Variants in MAST2 observed in about 807,000 individuals in gnomAD.
The protein encoded by MAST2 is microtubule-associated serine/threonine-protein kinase 2.
In MAST2, 70 loss-of-function variants were observed where a neutral mutation model predicts 147.4. The observed-to-expected ratio is 0.47, with a 90% CI of 0.39 to 0.58. The LOEUF is 0.58. Among genes scored for constraint, MAST2 ranks in the 20% least tolerant of loss-of-function variants. MAST2 has a pLI of 0.00. For missense variants in MAST2, 2,080 were observed against 2,302.3 expected (o/e 0.90, Z 1.98); for synonymous variants, 869 against 896.8 (o/e 0.97, Z 0.55).
At chr1:45,959,350 G>A in intron 4 of MAST2, 36 bp from the exon 5 acceptor site, 2 of 1,546,330 alleles carry the variant, frequency 1.3e-6, no homozygotes, top group Non-Finnish European at 1.8e-6. Flanking sequence ...CCCATGGTGT[G>A]GCCCTATTAT....
intron 3 of MAST2, among the ~76,000 whole-genome samples, chr1:45,840,937 A>C (rs1645254336): frequency 1.3e-5 from 2 of 152,098 alleles, no homozygotes; most frequent in South Asian, 4.2e-4. Flanking sequence ...TTGGTACTGG[A>C]TGCTAACTGG....
At position 46,031,725 on chromosome 1, in the gene MAST2, G is replaced by A. The variant is rs1646678378; in HGVS notation, c.3187+140G>A. On this transcript the variant is annotated intron_variant, in intron 24 of 28. Transcript: ENST00000361297. The surrounding 1 kb of genome is among the most constrained non-coding windows in gnomAD (Gnocchi z 4.1). ...CTGTGGTCTCTGAAGGTGTGTATTG[G>A]TGTCTGGGGTTGTGTATACATGTGC... 53 of 844,774 alleles carry A rather than the reference G, an allele frequency of 6.3e-5. No individual in the cohort carries two copies. The South Asian group carries it at 9.1e-4, about 14-fold the overall frequency. The allele number at this position is 844,774 out of a possible 1,614,324, so 52.3% of individuals were successfully genotyped here. A position where few individuals can be genotyped will look rare whatever the true frequency, so the allele number is the denominator to read the frequency against.
In MAST2 at chr1:45,893,891, G is replaced by A. The variant is rs1298190532; in HGVS notation, c.500+11496G>A. ...CATTTCTCTAAAAAGGAGAAAACAC[G>A]TCTTTGTGATTTTGCCAAGGATGTT... On this transcript the variant is annotated intron_variant, in intron 4 of 28. Transcript: ENST00000361297. 3.3e-5 allele frequency among the ~76,000 whole-genome samples: 5 copies of A among 152,040 alleles called. No homozygotes were observed. In the East Asian group the frequency reaches 9.6e-4, roughly 29 times the overall value.
intron 3 of MAST2, among the ~76,000 whole-genome samples, chr1:45,850,150 G>A (rs1046438340): frequency 6.6e-6 from 1 of 152,068 alleles, no homozygotes; most frequent in African/African-American, 2.4e-5. Flanking sequence ...ATTCTGACTG[G>A]CATAAGATGG....
intron 3 of MAST2, among the ~76,000 whole-genome samples, chr1:45,849,326 C>T (rs1289771258): frequency 6.6e-6 from 1 of 152,122 alleles, no homozygotes; most frequent in African/African-American, 2.4e-5. Flanking sequence ...TACCCAACTT[C>T]AAACTGTACT....
In MAST2 at chr1:46,025,582, G is replaced by A. The variant is rs1646373909; in HGVS notation, c.1781-95G>A. 5 of 1,451,002 alleles carry A rather than the reference G, an allele frequency of 3.4e-6. No homozygotes were observed. The Admixed American group carries it at 8.7e-5, about 25-fold the overall frequency. The allele number at this position is 1,451,002 out of a possible 1,614,324, so 89.9% of individuals were successfully genotyped here. A position where few individuals can be genotyped will look rare whatever the true frequency, so the allele number is the denominator to read the frequency against. On this transcript the variant is annotated intron_variant, in intron 15 of 28. Coordinates refer to ENST00000361297, the MANE Select transcript of MAST2 (RefSeq NM_015112.3). ...CAGCACCAGGATATTCCATGAAGCTGTCTCCTCTGGGACCTCAGAAACTGC... is the reference window on the plus strand; with the variant it reads ...CAGCACCAGGATATTCCATGAAGCTATCTCCTCTGGGACCTCAGAAACTGC...
chr1:45,999,097 C>T (rs538694858), intron 6 of MAST2, among the ~76,000 whole-genome samples: 2 of 152,168 alleles, frequency 1.3e-5, no homozygotes, highest in African/African-American at 4.8e-5. Flanking sequence ...ATGGTGTTAA[C>T]TCACTATTCC....
intron 10 of MAST2, among the ~76,000 whole-genome samples, chr1:46,018,965 A>G (rs1646070913): frequency 6.6e-6 from 1 of 152,086 alleles, no homozygotes; most frequent in Non-Finnish European, 1.5e-5. Flanking sequence ...TATAGTTACT[A>G]TTTCACTTAT....
At chr1:45,818,321 A>G (rs1226830426) in intron 1 of MAST2, among the ~76,000 whole-genome samples, 1 of 152,130 alleles carries the variant, frequency 6.6e-6, no homozygotes, top group African/African-American at 2.4e-5. Context: ...CGTGACCTTT[A>G]TTTGATGCAA....
chr1:45,848,382 A>G (rs1645512162), intron 3 of MAST2, among the ~76,000 whole-genome samples: 2 of 152,234 alleles, frequency 1.3e-5, no homozygotes, highest in South Asian at 4.1e-4. Context: ...TGGGAGTCTG[A>G]AATTTTGGTA....
At chr1:46,002,997 A>G (rs950185421) in intron 7 of MAST2, 114 bp downstream of exon 7, 47 of 1,065,382 alleles carry the variant, frequency 4.4e-5, no homozygotes, top group Non-Finnish European at 6.2e-5. Flanking sequence ...AAACTCAGAG[A>G]GGTTGCTGAG....
intron 3 of MAST2, among the ~76,000 whole-genome samples, chr1:45,843,664 C>A (rs1645343700): frequency 6.6e-6 from 1 of 152,136 alleles, no homozygotes; most frequent in Non-Finnish European, 1.5e-5. Flanking sequence ...TAATGTTAGA[C>A]AGTGAAGTAT....
In MAST2 at chr1:46,023,315, A is replaced by G. The variant is rs1209871600; in HGVS notation, c.1568A>G (p.Tyr523Cys). ...ATTAAGCTCATCAGCAATGGCGCCT[A>G]TGGGTAAAGGCAGGGGTCAGGGTGT... ...ETIKLISNGA[Y>C]GAVFLVRHKS... Residue 523 changes from tyrosine to cysteine, a missense_variant, in exon 14 of 29, where the codon TAT becomes TGT. Tyr to Cys is a radical substitution (Grantham distance 194). This residue lies in a region of MAST2 where 569 missense variants were observed against 642.5 expected (regional missense o/e 0.89). Transcript: ENST00000361297. The surrounding 1 kb of genome is among the most constrained non-coding windows in gnomAD (Gnocchi z 4.9). 2.5e-6 allele frequency: 4 copies of G among 1,613,648 alleles called. No homozygotes were observed. The highest frequency in any genetic ancestry group is 1.7e-5 in the Admixed American group (1 of 60,002).
At chr1:45,979,531 G>A (rs986923506) in intron 5 of MAST2, among the ~76,000 whole-genome samples, 4 of 151,474 alleles carry the variant, frequency 2.6e-5, no homozygotes, top group Admixed American at 6.6e-5. Flanking sequence ...AACCGTGAAT[G>A]TAAGTCATTA....
intron 10 of MAST2, among the ~76,000 whole-genome samples, chr1:46,015,854 C>T (rs1392526754): frequency 1.7e-4 from 26 of 152,098 alleles, no homozygotes; most frequent in Non-Finnish European, 1.9e-4. Context: ...ATACCAAAGC[C>T]GGGCAGAGAC....
chr1:45,943,900 A>G (rs1407704543), intron 4 of MAST2, among the ~76,000 whole-genome samples: 1 of 152,208 alleles, frequency 6.6e-6, no homozygotes, highest in Non-Finnish European at 1.5e-5. Context: ...GAAGTACACT[A>G]TCCTTAACAA....
chr1:45,834,680 T>C (rs1050128690), intron 3 of MAST2, among the ~76,000 whole-genome samples: 7 of 152,186 alleles, frequency 4.6e-5, no homozygotes, highest in Non-Finnish European at 8.8e-5. Flanking sequence ...ACCCCTGCAT[T>C]AGAAATCAGA....
chr1:46,029,080 C>G, intron 18 of MAST2, 147 bp downstream of exon 18: 2 of 883,198 alleles, frequency 2.3e-6, no homozygotes, highest in South Asian at 1.8e-5. Flanking sequence ...ATGGGTGTCT[C>G]TGTGTTTCTG....
chr1:46,032,389 G>T lies in MAST2; in HGVS notation c.3399G>T (p.Val1133=), dbSNP rs1260473064. 1.9e-6 allele frequency: 3 copies of T among 1,613,918 alleles called. No individual in the cohort carries two copies. The highest frequency in any genetic ancestry group is 2.5e-6 in the Non-Finnish European group (3 of 1,179,908). ...VYMGDSDVYT[V]HHMVWHVEDG... is the part of the protein sequence containing the mutation. ...TGGGTGACTCCGATGTCTACACCGT[G>T]CACCATATGGTGTGGGTATGTCTGA... Residue 1133 remains valine (V), a synonymous_variant, in exon 25 of 29, where the codon GTG becomes GTT. Transcript: ENST00000361297.
Sources: allele counts gnomAD v4.1 joint callset (sites outside exome capture counted in the v4.1 genomes callset), GRCh38; gene constraint gnomAD v4.1.1; regional missense constraint gnomAD v4.1.1; non-coding constraint Gnocchi (gnomAD v3.1); transcripts MANE v1.5; gene names NCBI Gene and HGNC (gene_info 2026-07-23, HGNC 2026-07-21).